Variants in ZNF674 observed in about 807,000 individuals in gnomAD.
The protein encoded by ZNF674 is zinc finger family member 674.
ZNF674 carries 2 observed loss-of-function variants against 7.0 expected under a neutral mutation model. That is an observed-to-expected ratio of 0.29 (90% CI 0.12 to 0.90). ZNF674 has a LOEUF of 0.90. ZNF674 is among the 40% of genes least tolerant of loss of function. ZNF674 has a pLI of 0.57. For missense variants in ZNF674, 297 were observed against 415.5 expected, an observed-to-expected ratio of 0.71 and a Z score of 2.48; for synonymous variants, 103 against 145.2, an observed-to-expected ratio of 0.71 and a Z score of 2.09.
chrX:46,501,410 C>T, intron 5 of ZNF674, 75 bp from the exon 6 acceptor site: 1 of 1,023,499 alleles, frequency 9.8e-7, no homozygotes, highest in South Asian at 2.2e-5. Flanking sequence ...CCTAAATGCC[C>T]AAGCAGTGAA....
intron 5 of ZNF674, among the ~76,000 whole-genome samples, chrX:46,504,240 C>T (rs916728360): frequency 2.7e-5 from 3 of 111,943 alleles, no homozygotes; most frequent in African/African-American, 9.7e-5. Context: ...ACTCATATTT[C>T]CGCTAGCACA....
chrX:46,506,415 G>GA (rs34632622), intron 5 of ZNF674, among the ~76,000 whole-genome samples: 2,442 of 90,242 alleles, frequency 0.027, 36 homozygotes, highest in African/African-American at 0.06. Flanking sequence ...CTTTGCATGG[G>GA]AAAAAAAAAA....
intron 5 of ZNF674, among the ~76,000 whole-genome samples, chrX:46,517,287 T>TA (rs928593565): frequency 7.5e-5 from 8 of 107,258 alleles, no homozygotes; most frequent in South Asian, 4.0e-4. Context: ...ACTGTAAAAA[T>TA]AAAAAAATTA....
chrX:46,519,607 C>CA (rs1217619285), intron 5 of ZNF674, among the ~76,000 whole-genome samples: 24 of 93,558 alleles, frequency 2.6e-4, no homozygotes, highest in Admixed American at 9.8e-4. Flanking sequence ...GACTCGCTCT[C>CA]AAAAAAAAAA....
chrX:46,534,859 G>A (rs1331119704), intron 3 of ZNF674, among the ~76,000 whole-genome samples: 1 of 107,711 alleles, frequency 9.3e-6, no homozygotes, highest in African/African-American at 3.4e-5. Flanking sequence ...TCCTGCCTCA[G>A]CCTCCCAAGT....
chrX:46,517,377 A>G (rs900011514), intron 5 of ZNF674, among the ~76,000 whole-genome samples: 4 of 111,451 alleles, frequency 3.6e-5, no homozygotes, highest in African/African-American at 6.5e-5. Context: ...ATGTTATTAG[A>G]GTCCTCAAAG....
In ZNF674 at chrX:46,501,292, G is replaced by A. The variant is rs1252238201; in HGVS notation, c.282C>T (p.Ser94=). The A allele has an allele frequency of 3.0e-5, 36 of 1,209,077 alleles. No homozygotes were observed. Among genetic ancestry groups the A allele is most frequent in the Non-Finnish European group, 3.8e-5 (34 of 894,976 alleles). The change falls in exon 6 of 6, where the codon AGC becomes AGT. Residue 94 remains serine, a synonymous_variant. Coordinates refer to ENST00000683375, the MANE Select transcript of ZNF674 (RefSeq NM_001190417.2). ...CAGCTTGCCACAGAAATTTGTCTTG[G>A]CTTTCCTTGTAGTGATCTATCTGCT... The part of the protein sequence containing the change: ...VDEQIDHYKE[S]QDKFLWQAAF...
intron 5 of ZNF674, among the ~76,000 whole-genome samples, chrX:46,521,356 C>T (rs983913589): frequency 2.7e-5 from 3 of 111,003 alleles, no homozygotes; most frequent in African/African-American, 9.8e-5. Flanking sequence ...GCAGGTGGAT[C>T]GCTTGAGCCC....
chrX:46,498,632 C>T lies in ZNF674; in HGVS notation c.*1211G>A, dbSNP rs1569462309. ...GAGCGTGGTGGCTCTCGCCTATAATCCCAGCACTTTGGGAGGCTGAGGCGG... is the reference window on the plus strand; with the variant it reads ...GAGCGTGGTGGCTCTCGCCTATAATTCCAGCACTTTGGGAGGCTGAGGCGG... On this transcript the variant is annotated 3_prime_UTR_variant, in exon 6 of 6. Transcript: ENST00000683375. 2 of 108,968 alleles carry T rather than the reference C, an allele frequency of 1.8e-5. No homozygotes were observed. The highest frequency in any genetic ancestry group is 5.7e-4 in the East Asian group (2 of 3,489). 9.0% of individuals were successfully genotyped at this position (108,968 alleles called of 1,213,427 possible). A position where few individuals can be genotyped will look rare whatever the true frequency, so the allele number is the denominator to read the frequency against.
At chrX:46,534,651 G>A (rs769139558) in intron 3 of ZNF674, among the ~76,000 whole-genome samples, 15 of 111,287 alleles carry the variant, frequency 1.3e-4, no homozygotes, top group Non-Finnish European at 2.3e-4. Context: ...GTGAGCCACC[G>A]CACCCAGCCT....
chrX:46,513,197 A>G (rs975439796), intron 5 of ZNF674, among the ~76,000 whole-genome samples: 6 of 111,262 alleles, frequency 5.4e-5, no homozygotes, highest in African/African-American at 1.6e-4. Context: ...CGGGAGGCAG[A>G]GGTTGCAGTG....
At chrX:46,531,837 T>TAATAA (rs915823841) in intron 3 of ZNF674, among the ~76,000 whole-genome samples, 1 of 109,887 alleles carries the variant, frequency 9.1e-6, no homozygotes, top group African/African-American at 3.3e-5. Context: ...TAATAAAAAA[T>TAATAA]AATAAAATAA....
At position 46,521,995 on chromosome X, in the gene ZNF674, C is replaced by T. The variant is rs1397285897; in HGVS notation, c.238+6355G>A. ...AAGAAATAAATGAGTTGAAGACTTA[C>T]GCAGGCACCGTGTAAGATTTACACA... On this transcript the variant is annotated intron_variant, in intron 5 of 5. Coordinates refer to ENST00000683375, the MANE Select transcript of ZNF674 (RefSeq NM_001190417.2). Among the ~76,000 whole-genome samples the T allele has an allele frequency of 4.6e-5, 5 of 108,034 alleles. No homozygotes were observed. The South Asian group carries it at 1.7e-3, about 36-fold the overall frequency. 93.8% of individuals were successfully genotyped at this position (108,034 alleles called of 115,157 possible).
At chrX:46,521,645 CG>C (rs1315075687) in intron 5 of ZNF674, among the ~76,000 whole-genome samples, 3 of 65,882 alleles carry the variant, frequency 4.6e-5, no homozygotes, top group African/African-American at 1.8e-4. Context: ...GAGGCCAAGG[CG>C]GGGGAGGGGG....
chrX:46,508,286 G>C (rs956469660), intron 5 of ZNF674, among the ~76,000 whole-genome samples: 1 of 111,181 alleles, frequency 9.0e-6, no homozygotes, highest in African/African-American at 3.3e-5. Flanking sequence ...CTAAATTTCA[G>C]TCACAGTTTC....
chrX:46,519,277 A>AAAGATAGAT (rs1941856757), intron 5 of ZNF674, among the ~76,000 whole-genome samples: 1 of 81,396 alleles, frequency 1.2e-5, no homozygotes, highest in African/African-American at 4.9e-5. Flanking sequence ...GATAGATGAT[A>AAAGATAGAT]GATAGATAGA....
At chrX:46,516,818 G>A (rs1309335554) in intron 5 of ZNF674, among the ~76,000 whole-genome samples, 1 of 111,622 alleles carries the variant, frequency 9.0e-6, no homozygotes, top group African/African-American at 3.3e-5. Context: ...CCAACATGGC[G>A]AAACCCGTCT....
chrX:46,503,646 C>G (rs895267109), intron 5 of ZNF674, among the ~76,000 whole-genome samples: 1 of 111,319 alleles, frequency 9.0e-6, no homozygotes, highest in Non-Finnish European at 1.9e-5. Context: ...ACGGGAAAAG[C>G]TACATCTGGC....
At chrX:46,508,305 CA>C (rs1941578973) in intron 5 of ZNF674, among the ~76,000 whole-genome samples, 2 of 111,049 alleles carry the variant, frequency 1.8e-5, no homozygotes, top group African/African-American at 6.5e-5. Context: ...TCAAAAATTA[CA>C]AGAAGGAAAA....
Sources: allele counts gnomAD v4.1 joint callset (sites outside exome capture counted in the v4.1 genomes callset), GRCh38; gene constraint gnomAD v4.1.1; transcripts MANE v1.5; gene names NCBI Gene and HGNC (gene_info 2026-07-23, HGNC 2026-07-21).